The following HS6ST1 variants were observed in gnomAD, a reference collection of about 807,000 sequenced individuals.
HS6ST1 encodes the protein heparan sulfate 6-O-sulfotransferase 1.
Under a neutral mutation model 25.2 loss-of-function variants are expected in HS6ST1, and 3 were observed. The ratio of observed to expected loss-of-function variants is 0.12; its 90% confidence interval spans 0.05 to 0.31. HS6ST1 has a LOEUF of 0.31. HS6ST1 is among the 10% of genes least tolerant of loss of function. The probability of loss-of-function intolerance (pLI) is 1.00; values close to 1 mark genes in which losing one functional copy is unlikely to be tolerated. For synonymous variants in HS6ST1, 204 were observed against 275.1 expected (o/e 0.74, Z 2.56); for missense variants, 310 against 609.6 (o/e 0.51, Z 5.18).
intron 1 of HS6ST1, among the ~76,000 whole-genome samples, chr2:128,317,220 T>C (rs562909255): frequency 1.3e-5 from 2 of 152,324 alleles, no homozygotes; most frequent in Non-Finnish European, 2.9e-5. Context: ...ACCCCTCCCA[T>C]GCTCTGTGTC....
intron 1 of HS6ST1, among the ~76,000 whole-genome samples, chr2:128,296,908 A>C (rs963931040): frequency 6.6e-6 from 1 of 152,226 alleles, no homozygotes; most frequent in African/African-American, 2.4e-5. Context: ...GAATAGCTAA[A>C]GTACTTGACA....
chr2:128,317,301 G>C (rs1277353416), intron 1 of HS6ST1, among the ~76,000 whole-genome samples: 1 of 152,232 alleles, frequency 6.6e-6, no homozygotes, highest in Non-Finnish European at 1.5e-5. Context: ...AGGTTCCCTG[G>C]ACCAGCTCAA....
intron 1 of HS6ST1, among the ~76,000 whole-genome samples, chr2:128,281,867 G>C (rs1404789160): frequency 6.6e-6 from 1 of 152,212 alleles, no homozygotes; most frequent in East Asian, 1.9e-4. Flanking sequence ...CACCCCATAG[G>C]CATGAATTAT....
intron 1 of HS6ST1, among the ~76,000 whole-genome samples, chr2:128,277,756 A>G (rs1186691351): frequency 6.6e-6 from 1 of 152,268 alleles, no homozygotes; most frequent in East Asian, 1.9e-4. Flanking sequence ...TGAAACTCAC[A>G]TGGATTTCAA....
chr2:128,291,765 G>A (rs1377830518), intron 1 of HS6ST1, among the ~76,000 whole-genome samples: 1 of 152,228 alleles, frequency 6.6e-6, no homozygotes, highest in Non-Finnish European at 1.5e-5. Flanking sequence ...GGGAGGCCCT[G>A]GACAGACCTC....
chr2:128,299,159 C>T (rs1408935100), intron 1 of HS6ST1, among the ~76,000 whole-genome samples: 1 of 152,382 alleles, frequency 6.6e-6, no homozygotes, highest in East Asian at 1.9e-4. Context: ...GAGCAGGCTT[C>T]GCAAGTGCCT....
At chr2:128,308,487 C>T (rs1046685513) in intron 1 of HS6ST1, among the ~76,000 whole-genome samples, 10 of 152,146 alleles carry the variant, frequency 6.6e-5, no homozygotes, top group African/African-American at 1.7e-4. Context: ...GGTTGGGTCT[C>T]GAGGTTCTCA....
chr2:128,313,036 C>A (rs112654671), intron 1 of HS6ST1, among the ~76,000 whole-genome samples: 1 of 152,106 alleles, frequency 6.6e-6, no homozygotes, highest in South Asian at 2.1e-4. Flanking sequence ...ATTGTCCAGA[C>A]TGCACCGGAC....
chr2:128,285,691 G>T (rs1038069721), intron 1 of HS6ST1, among the ~76,000 whole-genome samples: 1 of 152,182 alleles, frequency 6.6e-6, no homozygotes, highest in Non-Finnish European at 1.5e-5. Flanking sequence ...GCTGACTCCT[G>T]CCTGGGGGTC....
chr2:128,306,770 G>A (rs1441820447), intron 1 of HS6ST1, among the ~76,000 whole-genome samples: 3 of 152,284 alleles, frequency 2.0e-5, no homozygotes, highest in East Asian at 1.9e-4. Context: ...TTTCTGAGGG[G>A]GTGCGAAAAG....
intron 1 of HS6ST1, among the ~76,000 whole-genome samples, chr2:128,297,710 T>C (rs1407555788): frequency 6.6e-6 from 1 of 151,902 alleles, no homozygotes; most frequent in African/African-American, 2.4e-5. Flanking sequence ...GGCACATGCC[T>C]GTAATCCCAG....
chr2:128,269,011 T>C, intron 1 of HS6ST1, 141 bp from the exon 2 acceptor site: 1 of 713,268 alleles, frequency 1.4e-6, no homozygotes, highest in Non-Finnish European at 2.5e-6. Context: ...TAGCTCTCAG[T>C]CGTTTCAAAA....
intron 1 of HS6ST1, among the ~76,000 whole-genome samples, chr2:128,291,522 C>T (rs867203592): frequency 2.6e-5 from 4 of 152,224 alleles, no homozygotes; most frequent in African/African-American, 7.2e-5. Flanking sequence ...TCAGAAGGTG[C>T]GTCAGCGGGA....
At chr2:128,317,501 C>G (rs1014690512) in intron 1 of HS6ST1, among the ~76,000 whole-genome samples, 23 of 152,320 alleles carry the variant, frequency 1.5e-4, no homozygotes, top group African/African-American at 5.3e-4. Flanking sequence ...CTGCACACAC[C>G]GGCAGGCAGG....
intron 1 of HS6ST1, chr2:128,289,895 A>ATT (rs1693927402): frequency 6.6e-6 from 1 of 152,250 alleles, no homozygotes; most frequent in Non-Finnish European, 1.5e-5. Flanking sequence ...TCCAAATATA[A>ATT]GTCACAAATA....
intron 1 of HS6ST1, among the ~76,000 whole-genome samples, chr2:128,302,009 G>C (rs1694138211): frequency 6.6e-6 from 1 of 152,170 alleles, no homozygotes; most frequent in African/African-American, 2.4e-5. Flanking sequence ...CCTCTCCCTG[G>C]ATAAAGTCAT....
intron 1 of HS6ST1, among the ~76,000 whole-genome samples, chr2:128,275,841 G>A (rs1004471521): frequency 1.3e-5 from 2 of 152,216 alleles, no homozygotes; most frequent in Non-Finnish European, 2.9e-5. Flanking sequence ...CCAGATGCAC[G>A]TCGCAGAGGA....
chr2:128,290,503 G>C (rs1573699403), intron 1 of HS6ST1, among the ~76,000 whole-genome samples: 1 of 152,120 alleles, frequency 6.6e-6, no homozygotes, highest in African/African-American at 2.4e-5. Context: ...GCATATAAAA[G>C]ATATTACACT....
chr2:128,285,239 C>G (rs905290109), intron 1 of HS6ST1, among the ~76,000 whole-genome samples: 1 of 152,190 alleles, frequency 6.6e-6, no homozygotes, highest in Admixed American at 6.5e-5. Context: ...AGCCAGGGGT[C>G]TGGTGGAGGT....
Sources: gnomAD v4.1 joint callset for allele counts (sites outside exome capture counted in the v4.1 genomes callset) on GRCh38, gnomAD v4.1.1 for gene constraint, MANE v1.5 for transcripts, NCBI Gene and HGNC (gene_info 2026-07-23, HGNC 2026-07-21) for gene names.